The following PCDHGA2 variants were observed in gnomAD, a reference collection of about 807,000 sequenced individuals.
PCDHGA2 encodes protocadherin gamma-A2.
PCDHGA2 carries 40 observed loss-of-function variants against 59.2 expected under a neutral mutation model. That is an observed-to-expected ratio of 0.68 (90% CI 0.52 to 0.88). The LOEUF is 0.88. Ranked by LOEUF, PCDHGA2 falls within the 40% of genes least tolerant of loss-of-function variation. The pLI is 0.00. For synonymous variants in PCDHGA2, 560 were observed against 526.0 expected (o/e 1.06, Z -0.89); for missense variants, 1,226 against 1,204.0 (o/e 1.02, Z -0.27).
chr5:141,501,618 T>G (rs1307485559), intron 2 of PCDHGA2, among the ~76,000 whole-genome samples: 2 of 152,068 alleles, frequency 1.3e-5, no homozygotes, highest in African/African-American at 4.8e-5. Flanking sequence ...GTGACTCTGG[T>G]ATAGTCTCTC....
intron 1 of PCDHGA2, among the ~76,000 whole-genome samples, chr5:141,455,803 A>C (rs1197986124): frequency 2.6e-5 from 4 of 152,068 alleles, no homozygotes; most frequent in Non-Finnish European, 4.4e-5. Flanking sequence ...TGCTTTAAAA[A>C]ATGAAAACTT....
intron 1 of PCDHGA2, chr5:141,356,333 G>GA: frequency 6.4e-7 from 1 of 1,554,488 alleles, no homozygotes; most frequent in African/African-American, 1.4e-5. Flanking sequence ...GACTCAGGAG[G>GA]AAATGGCCTA....
At chr5:141,413,767 C>A in intron 1 of PCDHGA2, 1 of 1,612,972 alleles carries the variant, frequency 6.2e-7, no homozygotes, top group South Asian at 1.1e-5. Flanking sequence ...GTACCCGGAG[C>A]TGGTACTGGA....
rs915257485 is a variant in PCDHGA2, at chr5:141,476,018, A to T, written c.2425-18789A>T. ...AACGGCATCCAGAAAGCCATGTCGG[A>T]CTCGGCGCCCAGCGCCCAAGCGCTA... On this transcript the variant is annotated intron_variant, in intron 1 of 3. Transcript: ENST00000394576. This position sits in a 1 kb window ranked among gnomAD's most constrained non-coding sequence, Gnocchi z 7.6. The T allele has an allele frequency of 5.8e-6, 8 of 1,371,412 alleles. No homozygotes were observed. Among genetic ancestry groups the T allele is most frequent in the Non-Finnish European group, 7.9e-6 (8 of 1,016,908 alleles). The allele number at this position is 1,371,412 out of a possible 1,614,324, so 85.0% of individuals were successfully genotyped here.
chr5:141,494,943 G>A, intron 2 of PCDHGA2, 78 bp downstream of exon 2: 2 of 1,610,326 alleles, frequency 1.2e-6, no homozygotes, highest in Non-Finnish European at 1.7e-6. Flanking sequence ...ATGGGGGAGG[G>A]CCCAGCATTT....
chr5:141,356,169 T>C (rs1760137963), intron 1 of PCDHGA2: 1 of 1,613,022 alleles, frequency 6.2e-7, no homozygotes, highest in Non-Finnish European at 8.5e-7. Context: ...AAGCCCATGA[T>C]GGGCCTGGTC....
At chr5:141,410,699 A>T (rs760193148) in intron 1 of PCDHGA2, 1 of 1,478,344 alleles carries the variant, frequency 6.8e-7, no homozygotes, top group East Asian at 2.3e-5. Flanking sequence ...CTTTATTTTC[A>T]TATCTAGAAT....
At position 141,431,178 on chromosome 5, in the gene PCDHGA2, T is replaced by A; in HGVS notation, c.2425-63629T>A. 2 of 1,614,078 alleles carry A rather than the reference T, an allele frequency of 1.2e-6. No individual in the cohort carries two copies. Among genetic ancestry groups the A allele is most frequent in the Non-Finnish European group, 1.7e-6 (2 of 1,180,000 alleles). On this transcript the variant is annotated intron_variant, in intron 1 of 3. Coordinates refer to ENST00000394576, the MANE Select transcript of PCDHGA2 (RefSeq NM_018915.4). This position sits in a 1 kb window ranked among gnomAD's most constrained non-coding sequence, Gnocchi z 4.8. ...TACTTTCGTGAAAGTGAATTAGAAATAAAAATTAGTGAAAATGCAGCCACT... is the reference window on the plus strand; with the variant it reads ...TACTTTCGTGAAAGTGAATTAGAAAAAAAAATTAGTGAAAATGCAGCCACT...
rs747746357 is a variant in PCDHGA2, at chr5:141,352,135, G to T, written c.2424+10740G>T. The T allele has an allele frequency of 3.7e-6, 6 of 1,611,118 alleles. No individual in the cohort carries two copies. The Admixed American group carries it at 8.4e-5, about 22-fold the overall frequency. ...TGCGCACGGGTGAGGTGCGCACAGCGCGTGCCTTGGGCGACAGGGACGCGG... is the reference window on the plus strand; with the variant it reads ...TGCGCACGGGTGAGGTGCGCACAGCTCGTGCCTTGGGCGACAGGGACGCGG... On this transcript the variant is annotated intron_variant, in intron 1 of 3. Coordinates refer to ENST00000394576, the MANE Select transcript of PCDHGA2 (RefSeq NM_018915.4).
intron 1 of PCDHGA2, chr5:141,413,330 T>G (rs770842309): frequency 6.2e-7 from 1 of 1,613,812 alleles, no homozygotes; most frequent in Non-Finnish European, 8.5e-7. Context: ...GTGGGCAACA[T>G]CTCCAAGGAC....
chr5:141,408,378 T>C lies in PCDHGA2; in HGVS notation c.2424+66983T>C, dbSNP rs1369625426. 28 of 1,613,884 alleles carry C rather than the reference T, an allele frequency of 1.7e-5. No homozygotes were observed. The South Asian group carries it at 3.0e-4, about 17-fold the overall frequency. The stretch of plus-strand genomic sequence containing the variant: ...GCTAAGGATCTAGGGCTCAGTGTCC[T>C]GGATGTGTCGGCTCGCAAGCTGCGA... On this transcript the variant is annotated intron_variant, in intron 1 of 3. Transcript: ENST00000394576.
chr5:141,438,579 CATACATACATACATAT>C (rs1360889040), intron 1 of PCDHGA2, among the ~76,000 whole-genome samples: 18 of 55,776 alleles, frequency 3.2e-4, no homozygotes, highest in Non-Finnish European at 5.1e-4. Context: ...GATATACATA[CATACATACATACATAT>C]ATATATATAT....
chr5:141,351,253 A>G lies in PCDHGA2; in HGVS notation c.2424+9858A>G, dbSNP rs570182681. ...ACACAGCTCACTGTAATGTTCAAAT[A>G]GAAATTGTTGACGAGAATGACAATG... is the stretch of plus-strand genomic sequence containing the variant. On this transcript the variant is annotated intron_variant, in intron 1 of 3. Coordinates refer to ENST00000394576, the MANE Select transcript of PCDHGA2 (RefSeq NM_018915.4). The G allele has an allele frequency of 6.2e-6, 10 of 1,614,014 alleles. No homozygotes were observed. In the South Asian group the frequency reaches 1.1e-4, roughly 18 times the overall value.
chr5:141,387,492 G>C (rs779250536), intron 1 of PCDHGA2, among the ~76,000 whole-genome samples: 1 of 152,220 alleles, frequency 6.6e-6, no homozygotes, highest in Non-Finnish European at 1.5e-5. Flanking sequence ...GCATTCCTAA[G>C]AGTACATTTT....
rs2095330785 is a variant in PCDHGA2 at position 141,409,884 on chromosome 5, G to C, written c.2424+68489G>C. The C allele has an allele frequency of 1.9e-6, 3 of 1,612,952 alleles. No individual in the cohort carries two copies. In the South Asian group the frequency reaches 3.3e-5, roughly 18 times the overall value. On this transcript the variant is annotated intron_variant, in intron 1 of 3. Transcript: ENST00000394576. ...GGAGACCGCAATGACAACGCACCGC[G>C]GGTGCTGTACCCAGCTCTGGGTCCT...
chr5:141,485,338 T>C lies in PCDHGA2; in HGVS notation c.2425-9469T>C, dbSNP rs1259658641. The stretch of plus-strand genomic sequence containing the variant: ...ATGTCGCTCAAGATTTCCTGCTGGA[T>C]ACGGACAGTCTGTCAGCTCGCAGGC... On this transcript the variant is annotated intron_variant, in intron 1 of 3. Coordinates refer to ENST00000394576, the MANE Select transcript of PCDHGA2 (RefSeq NM_018915.4). The surrounding 1 kb of genome is among the most constrained non-coding windows in gnomAD (Gnocchi z 5.7). 1 of 1,614,140 alleles carries C rather than the reference T, an allele frequency of 6.2e-7. No individual in the cohort carries two copies. Among genetic ancestry groups the C allele is most frequent in the Non-Finnish European group, 8.5e-7 (1 of 1,180,006 alleles).
chr5:141,414,710 A>C (rs1253697066), intron 1 of PCDHGA2: 4 of 1,613,836 alleles, frequency 2.5e-6, no homozygotes, highest in African/African-American at 1.3e-5. Flanking sequence ...ATATCCATCA[A>C]CTCAGACACT....
chr5:141,489,701 T>C lies in PCDHGA2; in HGVS notation c.2425-5106T>C, dbSNP rs1038902932. The C allele has an allele frequency of 1.9e-6, 3 of 1,614,128 alleles. No homozygotes were observed. The highest frequency in any genetic ancestry group is 2.5e-6 in the Non-Finnish European group (3 of 1,179,944). On this transcript the variant is annotated intron_variant, in intron 1 of 3. Transcript: ENST00000394576. The surrounding 1 kb of genome is among the most constrained non-coding windows in gnomAD (Gnocchi z 4.5). ...GCAGCATCTGGGGCACGATTCCCAC[T>C]GGACAGTGCCCAGGATCCGGATGTG...
At chr5:141,495,800 C>T (rs1351461035) in intron 2 of PCDHGA2, among the ~76,000 whole-genome samples, 5 of 152,134 alleles carry the variant, frequency 3.3e-5, no homozygotes, top group Non-Finnish European at 7.3e-5. Context: ...CTCCTTTCAC[C>T]GTTTCCTAGC....
Sources: gnomAD v4.1 joint callset for allele counts (sites outside exome capture counted in the v4.1 genomes callset) on GRCh38, gnomAD v4.1.1 for gene constraint, Gnocchi (gnomAD v3.1) non-coding constraint, MANE v1.5 for transcripts, NCBI Gene and HGNC (gene_info 2026-07-23, HGNC 2026-07-21) for gene names.